The following YIPF1 variants were observed in gnomAD, a reference collection of about 807,000 sequenced individuals.
YIPF1 encodes the protein protein YIPF1.
A neutral mutation model predicts 37.0 loss-of-function variants in YIPF1; 22 were observed. The observed-to-expected ratio is 0.59, with a 90% confidence interval of 0.42 to 0.85. The LOEUF (loss-of-function observed/expected upper bound fraction) is 0.85, where lower values mean the gene tolerates loss of function less well. Ranked by LOEUF, YIPF1 falls within the 40% of genes least tolerant of loss-of-function variation. The pLI is 0.00. For missense variants in YIPF1, 355 were observed against 373.1 expected (o/e 0.95, Z 0.40); for synonymous variants, 128 against 131.9 (o/e 0.97, Z 0.21).
Position 53,858,041 on chromosome 1 carries a change from G to A in YIPF1, c.*8+2015C>T, listed in dbSNP as rs530364490. Among the ~76,000 whole-genome samples, 205 of 151,122 alleles carry A rather than the reference G, an allele frequency of 1.4e-3. 3 individuals are homozygous for A. The highest frequency in any genetic ancestry group is 8.0e-4 in the Non-Finnish European group (54 of 67,850). ...GAATGTGATAGACACATGTTAGTTT[G>A]CCCCAGAACTCTGGGGTGGCCTTGG... On this transcript the variant is annotated intron_variant, in intron 10 of 10. Transcript: ENST00000072644.
At position 53,878,550 on chromosome 1, in the gene YIPF1, A is replaced by G. The variant is rs566207320; in HGVS notation, c.276+92T>C. 34 of 1,481,200 alleles carry G rather than the reference A, an allele frequency of 2.3e-5. No homozygotes were observed. The African/African-American group carries it at 4.5e-4, about 20-fold the overall frequency. 91.8% of individuals were successfully genotyped at this position (1,481,200 alleles called of 1,614,324 possible). ...TTACTTTTGTAAGACCATTTTCAGT[A>G]TATAAAGGCTTTCACATTATTTGGT... is the stretch of plus-strand genomic sequence containing the variant. On this transcript the variant is annotated intron_variant, in intron 5 of 10. Transcript: ENST00000072644.
intron 10 of YIPF1, among the ~76,000 whole-genome samples, chr1:53,857,696 G>C (rs975948499): frequency 1.3e-5 from 2 of 152,092 alleles, no homozygotes; most frequent in African/African-American, 4.8e-5. Context: ...GAAATGTTTT[G>C]TCAGGCCGGG....
intron 9 of YIPF1, among the ~76,000 whole-genome samples, chr1:53,861,812 A>G (rs1342210751): frequency 1.3e-5 from 2 of 152,120 alleles, no homozygotes; most frequent in African/African-American, 4.8e-5. Flanking sequence ...CCAGGAGTTC[A>G]AGACCAGCCC....
At chr1:53,864,624 G>A (rs769523886) in intron 9 of YIPF1, among the ~76,000 whole-genome samples, 3 of 152,098 alleles carry the variant, frequency 2.0e-5, no homozygotes, top group African/African-American at 4.8e-5. Flanking sequence ...CCTGACCAAG[G>A]GTCTGGAAAC....
At chr1:53,859,491 C>G (rs1362950104) in intron 10 of YIPF1, among the ~76,000 whole-genome samples, 2 of 152,016 alleles carry the variant, frequency 1.3e-5, no homozygotes, top group Non-Finnish European at 2.9e-5. Flanking sequence ...TGGTGAAACC[C>G]CATCTCTAAT....
At chr1:53,884,530 G>A (rs916247887) in intron 3 of YIPF1, among the ~76,000 whole-genome samples, 1 of 152,180 alleles carries the variant, frequency 6.6e-6, no homozygotes, top group Admixed American at 6.5e-5. Flanking sequence ...GATCACTTAT[G>A]TGACTGCATA....
chr1:53,864,512 A>T (rs1193593513), intron 9 of YIPF1, among the ~76,000 whole-genome samples: 2 of 152,256 alleles, frequency 1.3e-5, no homozygotes. Context: ...AATCTAATGA[A>T]ATTCTAATCA....
chr1:53,866,895 A>G lies in YIPF1; in HGVS notation c.511T>C (p.Tyr171His). 6.2e-7 allele frequency: 1 copy of G among 1,613,774 alleles called. No homozygotes were observed. The highest frequency in any genetic ancestry group is 8.5e-7 in the Non-Finnish European group (1 of 1,179,802). ...AGTGCAAGAGGAACCAGCCAGGCATAGGCATAGATGATGGTAGCTGCTATG... is the reference window on the plus strand; with the variant it reads ...AGTGCAAGAGGAACCAGCCAGGCATGGGCATAGATGATGGTAGCTGCTATG... ...VSIAATIIYA[Y>H]AWLVPLALWG... is the part of the protein sequence containing the mutation. The change falls in exon 8 of 11, where the codon TAT becomes CAT. Residue 171 changes from tyrosine to histidine, a missense_variant. Coordinates refer to ENST00000072644, the MANE Select transcript of YIPF1 (RefSeq NM_018982.5).
intron 9 of YIPF1, 63 bp from the exon 10 acceptor site, chr1:53,860,216 T>A: frequency 6.7e-7 from 1 of 1,501,810 alleles, no homozygotes; most frequent in Non-Finnish European, 9.2e-7. Flanking sequence ...AGTGTTTTTT[T>A]AGACTCCATG....
In YIPF1 at chr1:53,866,722, A is replaced by T. The variant is rs962673195; in HGVS notation, c.648+36T>A. Reference sequence around the variant, plus strand: ...TTGAAGTTTCTACCAAGAACAGAGCATCACTCAGAATCTACTCCCTAAGTA... The same window carrying T: ...TTGAAGTTTCTACCAAGAACAGAGCTTCACTCAGAATCTACTCCCTAAGTA... On this transcript the variant is annotated intron_variant, in intron 8 of 10. Coordinates refer to ENST00000072644, the MANE Select transcript of YIPF1 (RefSeq NM_018982.5). 6 of 1,585,318 alleles carry T rather than the reference A, an allele frequency of 3.8e-6. No homozygotes were observed. The African/African-American group carries it at 8.1e-5, about 21-fold the overall frequency.
chr1:53,875,955 G>A (rs937952355), intron 6 of YIPF1, among the ~76,000 whole-genome samples: 1 of 151,930 alleles, frequency 6.6e-6, no homozygotes, highest in African/African-American at 2.4e-5. Context: ...TTTGCTTATT[G>A]TTAAGCTCAG....
chr1:53,870,748 C>T (rs376423840), intron 7 of YIPF1, among the ~76,000 whole-genome samples: 3 of 152,052 alleles, frequency 2.0e-5, no homozygotes, highest in East Asian at 1.9e-4. Context: ...TGGCTCACAC[C>T]TGTAATCCTA....
chr1:53,876,444 C>T (rs1360876557), intron 6 of YIPF1, among the ~76,000 whole-genome samples: 1 of 152,190 alleles, frequency 6.6e-6, no homozygotes, highest in Non-Finnish European at 1.5e-5. Context: ...CTAACCTCCA[C>T]CCACAACAAA....
At chr1:53,861,327 T>G (rs548172092) in intron 9 of YIPF1, among the ~76,000 whole-genome samples, 100 of 152,182 alleles carry the variant, frequency 6.6e-4, no homozygotes, top group African/African-American at 2.3e-3. Flanking sequence ...CCTCCAGTTC[T>G]CCCTCAGGTA....
At position 53,871,396 on chromosome 1, in the gene YIPF1, G is replaced by A. The variant is rs199522837; in HGVS notation, c.457C>T (p.His153Tyr). The A allele has an allele frequency of 3.1e-6, 5 of 1,613,722 alleles. No individual in the cohort carries two copies. The East Asian group carries it at 1.1e-4, about 36-fold the overall frequency. ...CCTTTTCGGAATTCGGGCACATAAT[G>A]GTACGTCTTCTCTCCCAGATGGATC... ...FLIHLGEKTY[H>Y]YVPEFRKVSI... The change falls in exon 7 of 11, where the codon CAT (histidine) becomes TAT (tyrosine). Residue 153 changes from histidine (H) to tyrosine (Y), a missense_variant. Physicochemically the swap from His to Tyr is moderately conservative, Grantham distance 83. Transcript: ENST00000072644.
At chr1:53,874,759 T>C (rs1041374589) in intron 6 of YIPF1, among the ~76,000 whole-genome samples, 2 of 152,008 alleles carry the variant, frequency 1.3e-5, no homozygotes, top group Non-Finnish European at 2.9e-5. Context: ...AGAGTGAGAC[T>C]CTGTCTCAAA....
intron 3 of YIPF1, among the ~76,000 whole-genome samples, chr1:53,884,680 T>G (rs1454345702): frequency 6.6e-6 from 1 of 152,254 alleles, no homozygotes; most frequent in African/African-American, 2.4e-5. Context: ...TCAAGGATCC[T>G]GAACCATGTT....
intron 10 of YIPF1, among the ~76,000 whole-genome samples, chr1:53,859,460 T>C (rs530750323): frequency 2.6e-4 from 40 of 152,192 alleles, no homozygotes; most frequent in African/African-American, 8.7e-4. Context: ...GGTCAGGAGT[T>C]CAAGACCAGC....
chr1:53,884,307 C>T (rs903686390), intron 3 of YIPF1, among the ~76,000 whole-genome samples: 1 of 149,714 alleles, frequency 6.7e-6, no homozygotes, highest in African/African-American at 2.5e-5. Context: ...ACACTATTAA[C>T]ATTTTAGTAT....
Sources: allele counts gnomAD v4.1 joint callset (sites outside exome capture counted in the v4.1 genomes callset), GRCh38; gene constraint gnomAD v4.1.1; transcripts MANE v1.5; gene names NCBI Gene and HGNC (gene_info 2026-07-23, HGNC 2026-07-21).